The following PATL2 variants were observed in gnomAD, a reference collection of about 807,000 sequenced individuals.
PATL2 encodes protein PAT1 homolog 2.
A neutral mutation model predicts 77.0 loss-of-function variants in PATL2; 73 were observed. The ratio of observed to expected loss-of-function variants is 0.95; its 90% CI spans 0.78 to 1.15. PATL2 has a LOEUF of 1.15. Among genes scored for constraint, PATL2 ranks in the 50% most tolerant of loss-of-function variants. The probability of loss-of-function intolerance (pLI) is 0.00; values close to 1 mark genes in which losing one functional copy is unlikely to be tolerated. For synonymous variants in PATL2, 265 were observed against 257.1 expected, an observed-to-expected ratio of 1.03 and a Z score of -0.29; for missense variants, 618 against 655.4, an observed-to-expected ratio of 0.94 and a Z score of 0.62.
intron 9 of PATL2, among the ~76,000 whole-genome samples, 173 bp from the exon 10 acceptor site, chr15:44,670,260 G>A (rs910577627): frequency 2.0e-5 from 3 of 152,106 alleles, no homozygotes; most frequent in Non-Finnish European, 4.4e-5. Flanking sequence ...GTGCAGTGGC[G>A]CAATCTCTGG....
intron 3 of PATL2, among the ~76,000 whole-genome samples, chr15:44,709,074 T>C (rs1190358742): frequency 1.3e-5 from 2 of 152,118 alleles, no homozygotes; most frequent in Non-Finnish European, 2.9e-5. Flanking sequence ...AATTTTTGTA[T>C]TTTTAGTAGA....
intron 3 of PATL2, among the ~76,000 whole-genome samples, chr15:44,697,947 C>T (rs2086545087): frequency 6.6e-6 from 1 of 151,896 alleles, no homozygotes; most frequent in African/African-American, 2.4e-5. Flanking sequence ...CTATGTTGCC[C>T]AGGCTGGTCA....
At chr15:44,702,782 A>G (rs1566870412) in intron 3 of PATL2, among the ~76,000 whole-genome samples, 1 of 151,950 alleles carries the variant, frequency 6.6e-6, no homozygotes, top group Admixed American at 6.6e-5. Context: ...TAATTTCCAT[A>G]TATTTGTATG....
intron 15 of PATL2, among the ~76,000 whole-genome samples, chr15:44,668,131 G>A (rs1231277364): frequency 6.6e-6 from 1 of 152,166 alleles, no homozygotes; most frequent in Non-Finnish European, 1.5e-5. Flanking sequence ...CAGAGCAGGT[G>A]CATGGGCCCC....
chr15:44,675,269 C>T (rs2085895763), intron 5 of PATL2: 2 of 580,364 alleles, frequency 3.4e-6, no homozygotes, highest in East Asian at 3.0e-5. Context: ...CTGCTAGGAC[C>T]TGGTTTTAAG....
At chr15:44,695,777 TG>T (rs1347785196) in intron 3 of PATL2, among the ~76,000 whole-genome samples, 1 of 152,258 alleles carries the variant, frequency 6.6e-6, no homozygotes, top group Non-Finnish European at 1.5e-5. Context: ...GTGTCTATGA[TG>T]GATCTGTGGA....
intron 9 of PATL2, among the ~76,000 whole-genome samples, chr15:44,671,353 G>T (rs765856883): frequency 6.6e-6 from 1 of 152,172 alleles, no homozygotes; most frequent in Non-Finnish European, 1.5e-5. Context: ...GCTGCGTATG[G>T]TGGTGCATGC....
At chr15:44,667,299 C>A in intron 15 of PATL2, 96 bp from the exon 16 acceptor site, 1 of 900,924 alleles carries the variant, frequency 1.1e-6, no homozygotes, top group South Asian at 1.5e-5. Flanking sequence ...AGGACAGGTT[C>A]ACATTTAGAG....
At chr15:44,697,894 T>G (rs941396020) in intron 3 of PATL2, among the ~76,000 whole-genome samples, 5 of 150,770 alleles carry the variant, frequency 3.3e-5, no homozygotes, top group African/African-American at 9.7e-5. Context: ...GCTTTCCCAC[T>G]TTTTTTTTAT....
At chr15:44,673,860 G>A (rs779802938) in intron 6 of PATL2, among the ~76,000 whole-genome samples, 3 of 152,144 alleles carry the variant, frequency 2.0e-5, no homozygotes, top group Non-Finnish European at 4.4e-5. Context: ...CCAGCTAAGC[G>A]CTGGCCATCT....
intron 3 of PATL2, among the ~76,000 whole-genome samples, chr15:44,684,829 G>A (rs1161515991): frequency 6.6e-6 from 1 of 152,168 alleles, no homozygotes; most frequent in Non-Finnish European, 1.5e-5. Flanking sequence ...AGGAAAAAAT[G>A]TTAAGAGCAG....
Position 44,672,065 on chromosome 15 carries a change from T to C in PATL2, c.607A>G (p.Met203Val). 1 of 1,551,706 alleles carries C rather than the reference T, an allele frequency of 6.4e-7. No individual in the cohort carries two copies. The highest frequency in any genetic ancestry group is 8.7e-7 in the Non-Finnish European group (1 of 1,146,994). Residue 203 changes from methionine (M) to valine (V), a missense_variant, in exon 9 of 18, where the codon ATG becomes GTG. Coordinates refer to ENST00000682850, the MANE Select transcript of PATL2 (RefSeq NM_001387263.1). ...GGTTTTGCACTCTGCAGCTGCACCA[T>C]CTGCACTTTTATCACCCAGTCCTTC... ...KEKDWVIKVQ[M>V]VQLQSAKPRL...
intron 15 of PATL2, 132 bp downstream of exon 15, chr15:44,668,210 T>C: frequency 1.7e-6 from 2 of 1,167,368 alleles, no homozygotes; most frequent in Non-Finnish European, 2.3e-6. Context: ...GGTGATCATG[T>C]GCTTACTAGA....
At chr15:44,704,484 A>G (rs1229539091) in intron 3 of PATL2, among the ~76,000 whole-genome samples, 2 of 152,240 alleles carry the variant, frequency 1.3e-5, no homozygotes, top group Non-Finnish European at 2.9e-5. Context: ...AAAAATTAAT[A>G]AAAACTCTAC....
At chr15:44,703,175 C>T (rs1244631825) in intron 3 of PATL2, among the ~76,000 whole-genome samples, 1 of 152,058 alleles carries the variant, frequency 6.6e-6, no homozygotes, top group Non-Finnish European at 1.5e-5. Context: ...ACTCAGGAGG[C>T]TGAGGCAGGA....
intron 3 of PATL2, among the ~76,000 whole-genome samples, chr15:44,682,036 G>A (rs1319925519): frequency 2.0e-5 from 3 of 152,132 alleles, no homozygotes; most frequent in Non-Finnish European, 2.9e-5. Flanking sequence ...CTTGGTCTGG[G>A]AGCTATATTC....
chr15:44,666,656 G>T, intron 16 of PATL2, 115 bp from the exon 17 acceptor site: 1 of 1,088,774 alleles, frequency 9.2e-7, no homozygotes, highest in Non-Finnish European at 1.3e-6. Flanking sequence ...CCCCCAGGTA[G>T]CAATTCAGAG....
At chr15:44,701,458 G>A (rs2086627867) in intron 3 of PATL2, among the ~76,000 whole-genome samples, 3 of 151,940 alleles carry the variant, frequency 2.0e-5, no homozygotes, top group Admixed American at 2.0e-4. Flanking sequence ...CAGTTTGGGA[G>A]GCTGAGGAAG....
rs2085414678 is a variant in PATL2 at position 44,667,132 on chromosome 15, C to T, written c.1437G>A (p.Glu479=). 14 of 1,551,502 alleles carry T rather than the reference C, an allele frequency of 9.0e-6. No individual in the cohort carries two copies. The highest frequency in any genetic ancestry group is 1.0e-5 in the Non-Finnish European group (12 of 1,146,970). Residue 479 remains glutamate, a synonymous_variant, in exon 16 of 18, where the codon GAG becomes GAA. Transcript: ENST00000682850. ...AAGCTGTATGGTCACTGTTGGGTTC[C>T]TCTAGGGAAGAATGCAGCGATACCA... ...EQLVSLHSSL[E]EPNSDHTAWT...
Sources: allele counts gnomAD v4.1 joint callset (sites outside exome capture counted in the v4.1 genomes callset), GRCh38; gene constraint gnomAD v4.1.1; transcripts MANE v1.5; gene names NCBI Gene and HGNC (gene_info 2026-07-23, HGNC 2026-07-21).